The following ALDH18A1 variants were observed in gnomAD, a reference collection of about 807,000 sequenced individuals.
ALDH18A1 encodes aldehyde dehydrogenase 18 family member A1.
In ALDH18A1, 44 loss-of-function variants were observed where a neutral mutation model predicts 88.8. The ratio of observed to expected loss-of-function variants is 0.50; its 90% CI spans 0.39 to 0.64. The LOEUF is 0.64. Among genes scored for constraint, ALDH18A1 ranks in the 30% least tolerant of loss-of-function variants. The probability of loss-of-function intolerance (pLI) is 0.00; values close to 1 mark genes in which losing one functional copy is unlikely to be tolerated. For synonymous variants in ALDH18A1, 331 were observed against 372.1 expected, an observed-to-expected ratio of 0.89 and a Z score of 1.27; for missense variants, 782 against 1,009.5, an observed-to-expected ratio of 0.77 and a Z score of 3.05.
In ALDH18A1 at chr10:95,633,063, T is replaced by C. The variant is rs1450216753; in HGVS notation, c.718-14A>G. On this transcript the variant is annotated splice_polypyrimidine_tract_variant and intron_variant, in intron 6 of 17. Coordinates refer to ENST00000371224, the MANE Select transcript of ALDH18A1 (RefSeq NM_002860.4). ...AACACTAATAACCTAGAATGCAGAT[T>C]AAAAAGTCATAAGTGAGTGAGCTAA... is the stretch of plus-strand genomic sequence containing the variant. 5 of 1,605,768 alleles carry C rather than the reference T, an allele frequency of 3.1e-6. No individual in the cohort carries two copies. Among genetic ancestry groups the C allele is most frequent in the Admixed American group, 1.7e-5 (1 of 59,986 alleles).
At chr10:95,619,005 T>A (rs1408312577) in intron 12 of ALDH18A1, among the ~76,000 whole-genome samples, 2 of 152,190 alleles carry the variant, frequency 1.3e-5, no homozygotes. Flanking sequence ...GAGAATAAAG[T>A]CTCAAAAATT....
intron 2 of ALDH18A1, among the ~76,000 whole-genome samples, chr10:95,649,879 T>A (rs1201018982): frequency 6.7e-6 from 1 of 148,658 alleles, no homozygotes; most frequent in Admixed American, 6.7e-5. Context: ...ACACCCTGTC[T>A]CAAAAAATAA....
chr10:95,630,573 T>C (rs1206775398), intron 7 of ALDH18A1, among the ~76,000 whole-genome samples: 1 of 139,920 alleles, frequency 7.1e-6, no homozygotes, highest in Non-Finnish European at 1.6e-5. Context: ...TAGCCAGGCG[T>C]GATAGCGCAC....
intron 15 of ALDH18A1, 28 bp downstream of exon 15, chr10:95,613,714 T>G (rs750859078): frequency 6.2e-7 from 1 of 1,613,892 alleles, no homozygotes; most frequent in Non-Finnish European, 8.5e-7. Context: ...AGACAGGAAG[T>G]AATGTACTAG....
intron 17 of ALDH18A1, 151 bp from the exon 18 acceptor site, chr10:95,607,094 G>T: frequency 1.3e-6 from 1 of 767,388 alleles, no homozygotes; most frequent in Non-Finnish European, 2.3e-6. Flanking sequence ...GAGTCACCCT[G>T]TTCCCATAAA....
At chr10:95,652,857 C>T (rs1292360869) in intron 2 of ALDH18A1, among the ~76,000 whole-genome samples, 2 of 151,926 alleles carry the variant, frequency 1.3e-5, no homozygotes, top group Non-Finnish European at 1.5e-5. Context: ...CCAATTCTGC[C>T]AAATTACATC....
At chr10:95,614,885 T>C (rs906530737) in intron 13 of ALDH18A1, among the ~76,000 whole-genome samples, 10 of 152,166 alleles carry the variant, frequency 6.6e-5, no homozygotes, top group Non-Finnish European at 8.8e-5. Flanking sequence ...AGATGAACTG[T>C]AGTATATGCA....
At chr10:95,632,841 C>A in intron 7 of ALDH18A1, 118 bp downstream of exon 7, 1 of 874,464 alleles carries the variant, frequency 1.1e-6, no homozygotes. Flanking sequence ...GAACATATGG[C>A]TAATGATCTA....
In ALDH18A1 at chr10:95,606,691, G is replaced by A. The variant is rs2097823321; in HGVS notation, c.*71C>T. 5.6e-6 allele frequency: 9 copies of A among 1,612,664 alleles called. No individual in the cohort carries two copies. The highest frequency in any genetic ancestry group is 3.3e-5 in the Admixed American group (2 of 60,002). ...ACCAGGAACTGGGAGACAAGAGCGG[G>A]CTCTCTCCTGAGATAAGACAAGTTT... On this transcript the variant is annotated 3_prime_UTR_variant, in exon 18 of 18. Transcript: ENST00000371224.
At chr10:95,612,409 C>T (rs2097836804) in intron 15 of ALDH18A1, among the ~76,000 whole-genome samples, 1 of 152,208 alleles carries the variant, frequency 6.6e-6, no homozygotes. Context: ...GAGACATCCC[C>T]AGGACAGGGT....
intron 5 of ALDH18A1, among the ~76,000 whole-genome samples, chr10:95,635,736 A>G (rs1480130152): frequency 6.6e-6 from 1 of 152,140 alleles, no homozygotes; most frequent in African/African-American, 2.4e-5. Flanking sequence ...CTCAATGTAA[A>G]TGGAAACAAT....
intron 11 of ALDH18A1, among the ~76,000 whole-genome samples, chr10:95,621,564 G>A (rs909556059): frequency 3.3e-5 from 5 of 151,940 alleles, no homozygotes; most frequent in East Asian, 1.9e-4. Flanking sequence ...CACCTGCCTC[G>A]ACCTCCCAAA....
At chr10:95,642,640 C>G (rs533005094) in intron 3 of ALDH18A1, among the ~76,000 whole-genome samples, 1 of 151,358 alleles carries the variant, frequency 6.6e-6, no homozygotes, top group South Asian at 2.1e-4. Context: ...CTGCTTCATC[C>G]CAGAGATACT....
chr10:95,639,405 C>T (rs1394303212), intron 3 of ALDH18A1, among the ~76,000 whole-genome samples: 1 of 151,936 alleles, frequency 6.6e-6, no homozygotes, highest in African/African-American at 2.4e-5. Context: ...TATAAATCCC[C>T]ATGTACATAC....
chr10:95,607,087 T>G, intron 17 of ALDH18A1, 144 bp from the exon 18 acceptor site: 2 of 787,420 alleles, frequency 2.5e-6, no homozygotes, highest in East Asian at 2.6e-5. Flanking sequence ...AAGAGCTGAG[T>G]CACCCTGTTC....
chr10:95,635,788 A>T (rs2097879556), intron 5 of ALDH18A1, among the ~76,000 whole-genome samples: 1 of 152,106 alleles, frequency 6.6e-6, no homozygotes, highest in Non-Finnish European at 1.5e-5. Context: ...ATCATTCAAA[A>T]CAAAATAAAA....
chr10:95,630,841 C>G (rs1014292516), intron 7 of ALDH18A1, among the ~76,000 whole-genome samples: 2 of 152,210 alleles, frequency 1.3e-5, no homozygotes, highest in Non-Finnish European at 2.9e-5. Flanking sequence ...GTGGATAACA[C>G]AGGACTAAGA....
chr10:95,644,136 CCTT>C (rs2097896967), intron 2 of ALDH18A1, among the ~76,000 whole-genome samples: 1 of 152,046 alleles, frequency 6.6e-6, no homozygotes, highest in African/African-American at 2.4e-5. Context: ...GAGCAAGACT[CCTT>C]CTCAAAAAAA....
Position 95,637,418 on chromosome 10 carries a change from G to A in ALDH18A1, c.322C>T (p.Gln108Ter). The change falls in exon 4 of 18, where the codon CAG becomes TAG. Residue 108 changes from glutamine to a stop codon, truncating the protein, a stop_gained. Transcript: ENST00000371224. LOFTEE classifies it high-confidence loss of function. Reference protein sequence around the residue: ...IVEQVSVLQNQGREMMLVTSG... With the variant: ...IVEQVSVLQN ...GTCACCAGCATCATCTCTCTGCCCT[G>A]ATTCTGCAGCACTGATACCTGGGCA... 1 of 1,614,180 alleles carries A rather than the reference G, an allele frequency of 6.2e-7. No homozygotes were observed. Among genetic ancestry groups the A allele is most frequent in the Non-Finnish European group, 8.5e-7 (1 of 1,180,038 alleles).
Sources: gnomAD v4.1 joint callset for allele counts (sites outside exome capture counted in the v4.1 genomes callset) on GRCh38, gnomAD v4.1.1 for gene constraint, MANE v1.5 for transcripts, NCBI Gene and HGNC (gene_info 2026-07-23, HGNC 2026-07-21) for gene names.